The following CCDC171 variants were observed in gnomAD, a reference collection of about 807,000 sequenced individuals.
CCDC171 encodes coiled-coil domain-containing protein 171.
CCDC171 carries 177 observed loss-of-function variants against 168.2 expected under a neutral mutation model. The ratio of observed to expected loss-of-function variants is 1.05; its 90% confidence interval spans 0.93 to 1.19. CCDC171 has a LOEUF of 1.19. Ranked by LOEUF, CCDC171 falls within the 50% of genes most tolerant of loss-of-function variation. The probability of loss-of-function intolerance (pLI) is 0.00; values close to 1 mark genes in which losing one functional copy is unlikely to be tolerated. For missense variants in CCDC171, 1,991 were observed against 1,539.0 expected, an observed-to-expected ratio of 1.29 and a Z score of -4.91; for synonymous variants, 687 against 540.8, an observed-to-expected ratio of 1.27 and a Z score of -3.75.
intron 21 of CCDC171, among the ~76,000 whole-genome samples, chr9:15,844,373 G>T (rs2060809955): frequency 6.6e-6 from 1 of 151,800 alleles, no homozygotes; most frequent in Non-Finnish European, 1.5e-5. Flanking sequence ...TCAGTGTTAG[G>T]ATTTTTAAAT....
At chr9:16,024,052 G>A (rs1449539285) in intron 6 of CCDC171, among the ~76,000 whole-genome samples, 1 of 152,052 alleles carries the variant, frequency 6.6e-6, no homozygotes, top group East Asian at 1.9e-4. Context: ...TCAGCGTAAT[G>A]CACTTTGAAG....
chr9:16,075,558 G>A, the CCDC171 span, among the ~76,000 whole-genome samples: 1 of 152,126 alleles, frequency 6.6e-6, no homozygotes, highest in Non-Finnish European at 1.5e-5. Flanking sequence ...AACAGCTACT[G>A]TACCTGGTTG....
intron 1 of CCDC171, among the ~76,000 whole-genome samples, chr9:15,562,369 C>A (rs2039376138): frequency 6.6e-6 from 1 of 152,096 alleles, no homozygotes; most frequent in African/African-American, 2.4e-5. Flanking sequence ...ATAATGTAAT[C>A]ATAAGAGTGG....
At chr9:15,685,683 A>G (rs978275293) in intron 10 of CCDC171, among the ~76,000 whole-genome samples, 4 of 152,112 alleles carry the variant, frequency 2.6e-5, no homozygotes, top group South Asian at 2.1e-4. Flanking sequence ...AAAACAAAAC[A>G]AAATCCTGAC....
Position 15,868,534 on chromosome 9 carries a change from G to A in CCDC171, c.3469-5998G>A, listed in dbSNP as rs80270940. 7.6e-3 allele frequency among the ~76,000 whole-genome samples: 1,153 copies of A among 151,404 alleles called. 13 individuals carry two copies. Among genetic ancestry groups the A allele is most frequent in the African/African-American group, 0.026 (1,091 of 41,326 alleles). On this transcript the variant is annotated intron_variant, in intron 23 of 25. Coordinates refer to ENST00000380701, the MANE Select transcript of CCDC171 (RefSeq NM_173550.4). ...GAGAGAGAGGATATGAATGAATGAG[G>A]ATGCCCACAGGTGCAAGGAAACTAT...
chr9:15,914,040 C>G (rs1211899080), intron 24 of CCDC171, among the ~76,000 whole-genome samples: 1 of 152,176 alleles, frequency 6.6e-6, no homozygotes, highest in Non-Finnish European at 1.5e-5. Flanking sequence ...GGACACCTGC[C>G]AGATACCAGC....
At chr9:16,017,223 C>G (rs1180563986) in intron 3 of CCDC171, among the ~76,000 whole-genome samples, 1 of 152,024 alleles carries the variant, frequency 6.6e-6, no homozygotes, top group African/African-American at 2.4e-5. Context: ...CCAGAAAATA[C>G]TATTTTCCCA....
intron 9 of CCDC171, among the ~76,000 whole-genome samples, chr9:15,674,710 C>T (rs889293227): frequency 5.3e-5 from 8 of 152,194 alleles, no homozygotes; most frequent in Admixed American, 2.0e-4. Context: ...TTTGATTGCA[C>T]TGTGGTCTGA....
chr9:15,958,249 A>G (rs1331046490), intron 25 of CCDC171, among the ~76,000 whole-genome samples: 1 of 152,148 alleles, frequency 6.6e-6, no homozygotes, highest in Non-Finnish European at 1.5e-5. Context: ...TGTGGCTTCA[A>G]GGAGTGAACA....
chr9:15,983,509 T>A (rs565134927), intron 3 of CCDC171, among the ~76,000 whole-genome samples: 11,330 of 133,076 alleles, frequency 0.085, 1,348 homozygotes, highest in African/African-American at 0.28. Flanking sequence ...TGTGTGTGTG[T>A]GTGAGAGAGA....
At chr9:15,692,613 C>A (rs1449824606) in intron 10 of CCDC171, among the ~76,000 whole-genome samples, 1 of 150,822 alleles carries the variant, frequency 6.6e-6, no homozygotes, top group South Asian at 2.1e-4. Context: ...CTGCAAGCTC[C>A]GCCCCCTGGG....
chr9:15,937,960 A>G (rs1305605525), intron 25 of CCDC171, among the ~76,000 whole-genome samples: 1 of 151,940 alleles, frequency 6.6e-6, no homozygotes, highest in Non-Finnish European at 1.5e-5. Flanking sequence ...GTAATATAGT[A>G]TGTACGTCTT....
chr9:15,882,543 G>A (rs1818789342), intron 24 of CCDC171, among the ~76,000 whole-genome samples: 1 of 152,108 alleles, frequency 6.6e-6, no homozygotes, highest in Non-Finnish European at 1.5e-5. Flanking sequence ...TGTTTCCCCA[G>A]TGTTTGGAAA....
chr9:15,846,300 G>A (rs930588995), intron 21 of CCDC171, among the ~76,000 whole-genome samples: 2 of 151,824 alleles, frequency 1.3e-5, no homozygotes, highest in African/African-American at 2.4e-5. Flanking sequence ...GCATAGTTTG[G>A]GCATATGATA....
At chr9:15,636,080 G>A (rs943623542) in intron 7 of CCDC171, among the ~76,000 whole-genome samples, 1 of 151,982 alleles carries the variant, frequency 6.6e-6, no homozygotes, top group African/African-American at 2.4e-5. Context: ...AGGCATTCAT[G>A]TATCTTCTTT....
At chr9:16,094,155 G>A in the CCDC171 span, among the ~76,000 whole-genome samples, 4 of 152,290 alleles carry the variant, frequency 2.6e-5, no homozygotes, top group South Asian at 2.1e-4. Context: ...CAGAGTGCAC[G>A]GTGGGCTGGA....
Position 15,973,745 on chromosome 9 carries a change from A to T in CCDC171, c.*1909A>T, listed in dbSNP as rs1398731343. On this transcript the variant is annotated 3_prime_UTR_variant, in exon 26 of 26. Transcript: ENST00000380701. ...CAGAACACCTTTCTCTGCTGTTCCAAACAATGATTAGGATATTGTTCATAC... is the reference window on the plus strand; with the variant it reads ...CAGAACACCTTTCTCTGCTGTTCCATACAATGATTAGGATATTGTTCATAC... 1 of 152,188 alleles carries T rather than the reference A, an allele frequency of 6.6e-6. No homozygotes were observed. The highest frequency in any genetic ancestry group is 2.4e-5 in the African/African-American group (1 of 41,462). 9.4% of individuals were successfully genotyped at this position (152,188 alleles called of 1,614,324 possible).
chr9:15,728,385 T>C (rs1317776380), intron 15 of CCDC171, among the ~76,000 whole-genome samples: 1 of 152,206 alleles, frequency 6.6e-6, no homozygotes, highest in Non-Finnish European at 1.5e-5. Flanking sequence ...ACCAACTCTT[T>C]ATGTTAGCAT....
chr9:16,055,290 T>C (rs116133126), intron 1 of CCDC171, among the ~76,000 whole-genome samples: 78 of 152,240 alleles, frequency 5.1e-4, no homozygotes, highest in African/African-American at 1.8e-3. Context: ...GGCAGATGTC[T>C]GAGTATGGAG....
Sources: gnomAD v4.1 joint callset for allele counts (sites outside exome capture counted in the v4.1 genomes callset) on GRCh38, gnomAD v4.1.1 for gene constraint, MANE v1.5 for transcripts, NCBI Gene and HGNC (gene_info 2026-07-23, HGNC 2026-07-21) for gene names.